Variants in PTPN13 observed in about 807,000 individuals in gnomAD.
PTPN13 encodes the protein tyrosine-protein phosphatase non-receptor type 13.
A neutral mutation model predicts 284.0 loss-of-function variants in PTPN13; 191 were observed. The ratio of observed to expected loss-of-function variants is 0.67; its 90% confidence interval spans 0.60 to 0.76. The LOEUF is 0.76. Ranked by LOEUF, PTPN13 falls within the 30% of genes least tolerant of loss-of-function variation. PTPN13 has a pLI of 0.00. For missense variants in PTPN13, 2,797 were observed against 2,939.9 expected (o/e 0.95, Z 1.12); for synonymous variants, 986 against 1,022.3 (o/e 0.96, Z 0.68).
At chr4:86,724,048 G>T (rs1393072019) in intron 10 of PTPN13, among the ~76,000 whole-genome samples, 3 of 152,128 alleles carry the variant, frequency 2.0e-5, no homozygotes. Flanking sequence ...TGGAAGACAT[G>T]TATTCTATTC....
intron 7 of PTPN13, among the ~76,000 whole-genome samples, chr4:86,713,070 AT>A (rs1310437024): frequency 1.1e-4 from 17 of 152,096 alleles, no homozygotes; most frequent in Admixed American, 5.9e-4. Flanking sequence ...GGGGTGTGAA[AT>A]TGTAACAAGG....
intron 37 of PTPN13, 128 bp downstream of exon 37, chr4:86,782,390 G>A (rs1488749841): frequency 6.7e-6 from 6 of 890,592 alleles, no homozygotes; most frequent in Non-Finnish European, 1.1e-5. Context: ...TAATAGTAAG[G>A]CTATATTTTA....
intron 2 of PTPN13, among the ~76,000 whole-genome samples, chr4:86,650,451 A>G (rs1722486266): frequency 1.3e-5 from 2 of 152,154 alleles, no homozygotes; most frequent in Non-Finnish European, 2.9e-5. Context: ...AGCTGGGACT[A>G]CAGACATGTG....
chr4:86,630,429 C>T (rs541136481), intron 1 of PTPN13, among the ~76,000 whole-genome samples: 59 of 152,168 alleles, frequency 3.9e-4, no homozygotes, highest in Middle Eastern at 3.4e-3. Flanking sequence ...AATCACCATG[C>T]GAATCTGTTA....
At chr4:86,643,545 A>T (rs541261310) in intron 2 of PTPN13, among the ~76,000 whole-genome samples, 2 of 152,322 alleles carry the variant, frequency 1.3e-5, no homozygotes, top group Non-Finnish European at 2.9e-5. Context: ...AAATAATATC[A>T]GCAAAGTTTA....
rs1722207635 is a variant in PTPN13, at chr4:86,629,372, G to C, written c.-5-5880G>C. Among the ~76,000 whole-genome samples the C allele has an allele frequency of 2.7e-5, 4 of 148,834 alleles. No homozygotes were observed. The Admixed American group carries it at 2.7e-4, about 10-fold the overall frequency. ...ATGCTCATCATCACTGGCCATCAGAGAAATGCAAATCAAAACCACTATGAG... is the reference window on the plus strand; with the variant it reads ...ATGCTCATCATCACTGGCCATCAGACAAATGCAAATCAAAACCACTATGAG... On this transcript the variant is annotated intron_variant, in intron 1 of 47. Coordinates refer to ENST00000411767, the MANE Select transcript of PTPN13 (RefSeq NM_080683.3).
At chr4:86,767,279 CTT>C (rs1201296116) in intron 27 of PTPN13, among the ~76,000 whole-genome samples, 1 of 139,762 alleles carries the variant, frequency 7.2e-6, no homozygotes, top group Non-Finnish European at 1.6e-5. Flanking sequence ...GAATTTCGCT[CTT>C]GTCACCCAGG....
chr4:86,689,305 G>A (rs1729775937), intron 5 of PTPN13, 115 bp downstream of exon 5: 3 of 809,210 alleles, frequency 3.7e-6, no homozygotes, highest in East Asian at 5.3e-5. Context: ...ACTAGAAATG[G>A]AAAATTGAAT....
chr4:86,667,796 G>A (rs1207594463), intron 2 of PTPN13, among the ~76,000 whole-genome samples: 1 of 152,164 alleles, frequency 6.6e-6, no homozygotes, highest in East Asian at 1.9e-4. Context: ...GGATTTTTCA[G>A]ATCAAAATCA....
At chr4:86,632,122 C>A (rs1222973544) in intron 1 of PTPN13, among the ~76,000 whole-genome samples, 1 of 152,042 alleles carries the variant, frequency 6.6e-6, no homozygotes, top group Non-Finnish European at 1.5e-5. Flanking sequence ...CCCTCCTTGC[C>A]CTTTGGTAAT....
intron 10 of PTPN13, among the ~76,000 whole-genome samples, chr4:86,726,313 G>A (rs558676193): frequency 2.0e-5 from 3 of 149,362 alleles, no homozygotes; most frequent in East Asian, 1.9e-4. Context: ...CTCTTTTTTG[G>A]TTCCATATGA....
intron 45 of PTPN13, among the ~76,000 whole-genome samples, chr4:86,808,213 G>A (rs1744855468): frequency 6.6e-6 from 1 of 152,170 alleles, no homozygotes; most frequent in Admixed American, 6.5e-5. Context: ...GGAAACTTGT[G>A]TTTTTATGGT....
chr4:86,639,968 T>TA (rs1723577603), intron 2 of PTPN13, among the ~76,000 whole-genome samples: 1 of 152,126 alleles, frequency 6.6e-6, no homozygotes, highest in African/African-American at 2.4e-5. Context: ...ATTTATAGGA[T>TA]AGAGTTTCTA....
intron 2 of PTPN13, among the ~76,000 whole-genome samples, chr4:86,662,750 A>T (rs1726654127): frequency 6.6e-6 from 1 of 152,244 alleles, no homozygotes; most frequent in South Asian, 2.1e-4. Context: ...CAGGAAAATA[A>T]AAAATTGATA....
chr4:86,799,127 A>C lies in PTPN13; in HGVS notation c.6428A>C (p.Lys2143Thr). 1 of 1,589,048 alleles carries C rather than the reference A, an allele frequency of 6.3e-7. No homozygotes were observed. Among genetic ancestry groups the C allele is most frequent in the Non-Finnish European group, 8.6e-7 (1 of 1,169,230 alleles). ...ESLIQKPQEK[K>T]TDDDEITWGN... ...TTAATTCAGAAGCCACAAGAAAAGA[A>C]GACTGATGATGATGAAATAACATGG... Residue 2143 changes from lysine (K) to threonine (T), a missense_variant, in exon 42 of 48, where the codon AAG (lysine) becomes ACG (threonine). Coordinates refer to ENST00000411767, the MANE Select transcript of PTPN13 (RefSeq NM_080683.3).
At chr4:86,677,183 C>T (rs905512488) in intron 3 of PTPN13, among the ~76,000 whole-genome samples, 2 of 151,788 alleles carry the variant, frequency 1.3e-5, no homozygotes, top group Non-Finnish European at 2.9e-5. Flanking sequence ...AGGAGAATGG[C>T]GTGAACCTGG....
At chr4:86,672,250 A>G (rs1727791556) in intron 2 of PTPN13, 115 bp from the exon 3 acceptor site, 1 of 830,230 alleles carries the variant, frequency 1.2e-6, no homozygotes, top group African/African-American at 1.7e-5. Context: ...ACTTATTAAC[A>G]TCTATACAAA....
At chr4:86,751,532 T>C (rs2149209628) in intron 19 of PTPN13, among the ~76,000 whole-genome samples, 1 of 152,112 alleles carries the variant, frequency 6.6e-6, no homozygotes, top group African/African-American at 2.4e-5. Context: ...GTTGCCCAGG[T>C]TGGTCTTGAA....
chr4:86,766,614 C>G, intron 27 of PTPN13, 97 bp downstream of exon 27: 1 of 882,316 alleles, frequency 1.1e-6, no homozygotes, highest in Non-Finnish European at 1.6e-6. Context: ...AATTTGTCAG[C>G]TAATCAAGAA....
Sources: gnomAD v4.1 joint callset for allele counts (sites outside exome capture counted in the v4.1 genomes callset) on GRCh38, gnomAD v4.1.1 for gene constraint, MANE v1.5 for transcripts, NCBI Gene and HGNC (gene_info 2026-07-23, HGNC 2026-07-21) for gene names.